Variants in PDCD11 observed in about 807,000 individuals in gnomAD.
PDCD11 encodes the protein protein RRP5 homolog.
A neutral mutation model predicts 198.9 loss-of-function variants in PDCD11; 97 were observed. That is an observed-to-expected ratio of 0.49 (90% confidence interval 0.41 to 0.58). PDCD11 has a LOEUF of 0.58. Ranked by LOEUF, PDCD11 falls within the 20% of genes least tolerant of loss-of-function variation. The probability of loss-of-function intolerance (pLI) is 0.00; values close to 1 mark genes in which losing one functional copy is unlikely to be tolerated. For synonymous variants in PDCD11, 893 were observed against 918.0 expected, an observed-to-expected ratio of 0.97 and a Z score of 0.49; for missense variants, 2,102 against 2,312.7, an observed-to-expected ratio of 0.91 and a Z score of 1.87.
Position 103,398,513 on chromosome 10 carries a change from A to C in PDCD11, c.87A>C (p.Gln29His). Residue 29 changes from glutamine (Q) to histidine (H), a missense_variant, in exon 2 of 36, where the codon CAA becomes CAC. Transcript: ENST00000369797. The part of the protein sequence containing the change: ...PEKAFQQSVE[Q>H]DNLFDISTEE... ...AAGCTTTCCAGCAGTCAGTTGAACA[A>C]GACAACTTATTTGATGTAAGTAGTA... 6.2e-7 allele frequency: 1 copy of C among 1,610,604 alleles called. No individual in the cohort carries two copies. The highest frequency in any genetic ancestry group is 1.7e-5 in the Admixed American group (1 of 60,012).
intron 4 of PDCD11, 54 bp downstream of exon 4, chr10:103,403,339 A>T: frequency 1.3e-6 from 2 of 1,523,850 alleles, no homozygotes; most frequent in Non-Finnish European, 1.8e-6. Flanking sequence ...ACACAAATAG[A>T]TTTAAAATTA....
At chr10:103,438,637 TG>T (rs1267030822) in intron 26 of PDCD11, 48 bp from the exon 27 acceptor site, 1 of 1,611,464 alleles carries the variant, frequency 6.2e-7, no homozygotes, top group African/African-American at 1.3e-5. Context: ...GGGGGTGGCA[TG>T]GGACAGTGGA....
chr10:103,440,170 C>T (rs2032318442), intron 28 of PDCD11, 120 bp from the exon 29 acceptor site: 1 of 1,432,504 alleles, frequency 7.0e-7, no homozygotes, highest in African/African-American at 1.4e-5. Flanking sequence ...AAAGGACTCC[C>T]AAGGCAGATG....
At chr10:103,400,134 C>T (rs1376453361) in intron 2 of PDCD11, among the ~76,000 whole-genome samples, 1 of 151,926 alleles carries the variant, frequency 6.6e-6, no homozygotes, top group South Asian at 2.1e-4. Context: ...TCATCCCAGT[C>T]AAGAGAGGGA....
At chr10:103,399,459 C>A (rs1227529196) in intron 2 of PDCD11, among the ~76,000 whole-genome samples, 1 of 152,130 alleles carries the variant, frequency 6.6e-6, no homozygotes, top group African/African-American at 2.4e-5. Context: ...ATCCTCCCTC[C>A]TTAGCCTCCT....
At chr10:103,421,736 G>A (rs565738814) in intron 17 of PDCD11, among the ~76,000 whole-genome samples, 169 bp downstream of exon 17, 8 of 151,500 alleles carry the variant, frequency 5.3e-5, no homozygotes, top group Non-Finnish European at 1.0e-4. Flanking sequence ...AGGCCGAGGC[G>A]GGTGGATCAT....
intron 4 of PDCD11, 63 bp from the exon 5 acceptor site, chr10:103,404,948 AGCCAAAGCTGG>A (rs2030356145): frequency 3.5e-6 from 5 of 1,431,034 alleles, no homozygotes; most frequent in African/African-American, 1.4e-5. Flanking sequence ...GAAGTCACTG[AGCCAAAGCTGG>A]GTAATGGATT....
chr10:103,445,015 A>G (rs998564861), intron 35 of PDCD11, among the ~76,000 whole-genome samples: 3 of 152,244 alleles, frequency 2.0e-5, no homozygotes, highest in Non-Finnish European at 2.9e-5. Context: ...GGGAGGGTTT[A>G]GAGATGAGTA....
chr10:103,422,724 A>C (rs2031508732), intron 17 of PDCD11, among the ~76,000 whole-genome samples: 1 of 152,136 alleles, frequency 6.6e-6, no homozygotes, highest in Admixed American at 6.6e-5. Context: ...AAAATTCAGA[A>C]ACCAAAGGAA....
rs375257342 is a variant in PDCD11 at position 103,443,222 on chromosome 10, C to T, written c.5013C>T (p.Tyr1671=). The T allele has an allele frequency of 1.1e-4, 173 of 1,610,252 alleles. 1 individual carries two copies. The East Asian group carries it at 3.2e-3, about 29-fold the overall frequency. The change falls in exon 33 of 36, where the codon TAC becomes TAT. Residue 1671 remains tyrosine (Y), a synonymous_variant. Coordinates refer to ENST00000369797, the MANE Select transcript of PDCD11 (RefSeq NM_014976.2). The stretch of plus-strand genomic sequence containing the variant: ...CTCTGCTGAACCTGGAGAACATGTA[C>T]GGCTCTCAGGAGTCCCTGACCAAGG... The part of the protein sequence containing the change: ...WVALLNLENM[Y]GSQESLTKVF...
Position 103,405,063 on chromosome 10 carries a change from G to A in PDCD11, c.444G>A (p.Leu148=). 6.2e-7 allele frequency: 1 copy of A among 1,614,120 alleles called. No homozygotes were observed. Among genetic ancestry groups the A allele is most frequent in the Non-Finnish European group, 8.5e-7 (1 of 1,179,986 alleles). ...HLPELFSPGM[L]VRCVVSSLGI... ...CTGAACTTTTCTCACCTGGAATGCT[G>A]GTAAGATGTGTGGTGAGCAGTCTGG... The change falls in exon 5 of 36, where the codon CTG becomes CTA. Residue 148 remains leucine (L), a synonymous_variant. Coordinates refer to ENST00000369797, the MANE Select transcript of PDCD11 (RefSeq NM_014976.2).
chr10:103,411,377 A>AT (rs1157336107), intron 8 of PDCD11, among the ~76,000 whole-genome samples: 2 of 152,062 alleles, frequency 1.3e-5, no homozygotes, highest in East Asian at 3.9e-4. Context: ...TTATTTATTT[A>AT]TTTTTTGAGA....
intron 21 of PDCD11, among the ~76,000 whole-genome samples, chr10:103,428,309 GAA>G (rs56689026): frequency 7.0e-6 from 1 of 143,244 alleles, no homozygotes; most frequent in South Asian, 2.2e-4. Context: ...CGTCTCAAAA[GAA>G]AAAAAAAAAA....
At chr10:103,431,591 CAA>C in intron 21 of PDCD11, among the ~76,000 whole-genome samples, 1 of 133,856 alleles carries the variant, frequency 7.5e-6, no homozygotes, top group African/African-American at 2.8e-5. Context: ...GACTCTGTCT[CAA>C]AAAAAAGAAA....
intron 15 of PDCD11, 31 bp from the exon 16 acceptor site, chr10:103,419,507 T>G (rs188266804): frequency 2.1e-5 from 34 of 1,600,684 alleles, no homozygotes; most frequent in Non-Finnish European, 3.4e-6. Flanking sequence ...ATCTGCCCTT[T>G]CTGGAACATT....
chr10:103,433,600 G>C (rs1459038976), intron 22 of PDCD11, among the ~76,000 whole-genome samples: 1 of 152,232 alleles, frequency 6.6e-6, no homozygotes, highest in East Asian at 1.9e-4. Flanking sequence ...TTGGCCTCTG[G>C]AGATGGTTAA....
intron 3 of PDCD11, among the ~76,000 whole-genome samples, chr10:103,402,150 A>T (rs980990265): frequency 1.3e-5 from 2 of 152,192 alleles, no homozygotes; most frequent in African/African-American, 4.8e-5. Context: ...AATGACAAGG[A>T]GCTGAGTAGT....
intron 30 of PDCD11, 98 bp downstream of exon 30, chr10:103,440,948 T>C (rs1592142384): frequency 2.3e-6 from 2 of 863,806 alleles, no homozygotes; most frequent in East Asian, 5.4e-5. Context: ...TCCTATAAAA[T>C]ACGAAAGCAG....
intron 25 of PDCD11, among the ~76,000 whole-genome samples, chr10:103,435,542 G>A (rs1034149182): frequency 5.9e-5 from 9 of 151,724 alleles, no homozygotes; most frequent in African/African-American, 2.2e-4. Flanking sequence ...AGGCAGTCTG[G>A]CTGGAGTGCA....
Sources: allele counts gnomAD v4.1 joint callset (sites outside exome capture counted in the v4.1 genomes callset), GRCh38; gene constraint gnomAD v4.1.1; transcripts MANE v1.5; gene names NCBI Gene and HGNC (gene_info 2026-07-23, HGNC 2026-07-21).